The following BACH1 variants were observed in gnomAD, a reference collection of about 807,000 sequenced individuals.
BACH1 encodes the protein BTB domain and CNC homolog 1, also known as transcription regulator protein BACH1.
A neutral mutation model predicts 52.9 loss-of-function variants in BACH1; 35 were observed. That is an observed-to-expected ratio of 0.66 (90% CI 0.51 to 0.88). The LOEUF is 0.88. BACH1 is among the 40% of genes least tolerant of loss of function. The probability of loss-of-function intolerance (pLI) is 0.00; values close to 1 mark genes in which losing one functional copy is unlikely to be tolerated. For synonymous variants in BACH1, 321 were observed against 319.6 expected (o/e 1.00, Z -0.05); for missense variants, 808 against 872.6 (o/e 0.93, Z 0.93).
intron 4 of BACH1, among the ~76,000 whole-genome samples, chr21:29,338,921 A>G (rs1348204448): frequency 6.6e-6 from 1 of 152,046 alleles, no homozygotes; most frequent in East Asian, 1.9e-4. Context: ...TATTTTATAT[A>G]CATTTTTCTG....
intron 4 of BACH1, among the ~76,000 whole-genome samples, chr21:29,339,993 C>A (rs372188926): frequency 1.3e-5 from 2 of 152,064 alleles, no homozygotes; most frequent in Non-Finnish European, 2.9e-5. Flanking sequence ...CAATTTTATT[C>A]CTTTTTAAGA....
chr21:29,335,274 C>T (rs772560675), intron 4 of BACH1, among the ~76,000 whole-genome samples: 2 of 152,094 alleles, frequency 1.3e-5, no homozygotes, highest in African/African-American at 4.8e-5. Context: ...ACAGCCACAG[C>T]GGGGTTGATG....
At position 29,327,142 on chromosome 21, in the gene BACH1, A is replaced by G. The variant is rs144158872; in HGVS notation, c.1318A>G (p.Ile440Val). ...ACGGTCTGAGTGTCCGTGGTTAGGT[A>G]TCAGGATTAGTGAGAGCCCAGAACC... ...QKRSECPWLG[I>V]RISESPEPGQ... The change falls in exon 3 of 5, where the codon ATC (isoleucine) becomes GTC (valine). Residue 440 changes from isoleucine to valine, a missense_variant. Physicochemically the swap from Ile to Val is conservative, Grantham distance 29. Transcript: ENST00000286800. 74 of 1,614,132 alleles carry G rather than the reference A, an allele frequency of 4.6e-5. No homozygotes were observed. Among genetic ancestry groups the G allele is most frequent in the Non-Finnish European group, 5.9e-5 (70 of 1,180,048 alleles).
intron 2 of BACH1, among the ~76,000 whole-genome samples, chr21:29,360,725 A>T (rs1272462714): frequency 1.3e-5 from 2 of 151,924 alleles, no homozygotes; most frequent in Non-Finnish European, 2.9e-5. Context: ...CACACCTGTA[A>T]TCCCAGCTAC....
At chr21:29,329,860 C>A (rs1180812283) in intron 4 of BACH1, among the ~76,000 whole-genome samples, 167 bp downstream of exon 4, 2 of 152,108 alleles carry the variant, frequency 1.3e-5, no homozygotes. Context: ...TATGTAAGTG[C>A]TTTTTAAAAA....
Position 29,345,929 on chromosome 21 carries a change from A to T in BACH1, c.*3096A>T, listed in dbSNP as rs1352267883. 1 of 152,624 alleles carries T rather than the reference A, an allele frequency of 6.6e-6. No individual in the cohort carries two copies. Among genetic ancestry groups the T allele is most frequent in the Non-Finnish European group, 1.5e-5 (1 of 68,014 alleles). The allele number at this position is 152,624 out of a possible 1,614,324, so 9.5% of individuals were successfully genotyped here. On this transcript the variant is annotated 3_prime_UTR_variant, in exon 5 of 5. Coordinates refer to ENST00000286800, the MANE Select transcript of BACH1 (RefSeq NM_001186.4). ...GAAGCAGAAAAACATTGATTTTTTTATATCTTTCATAATATAATTTTCTAA... is the reference window on the plus strand; with the variant it reads ...GAAGCAGAAAAACATTGATTTTTTTTTATCTTTCATAATATAATTTTCTAA...
chr21:29,328,129 G>A (rs758297608), intron 3 of BACH1, among the ~76,000 whole-genome samples: 13 of 152,242 alleles, frequency 8.5e-5, no homozygotes, highest in Non-Finnish European at 1.6e-4. Context: ...GTGATTAGTT[G>A]TAGGAATGTG....
Position 29,326,963 on chromosome 21 carries a change from G to A in BACH1, c.1139G>A (p.Ser380Asn). The A allele has an allele frequency of 6.2e-7, 1 of 1,614,222 alleles. No homozygotes were observed. Among genetic ancestry groups the A allele is most frequent in the Non-Finnish European group, 8.5e-7 (1 of 1,180,036 alleles). Residue 380 changes from serine to asparagine, a missense_variant, in exon 3 of 5, where the codon AGT (serine) becomes AAT (asparagine). Ser to Asn is a conservative substitution (Grantham distance 46). Coordinates refer to ENST00000286800, the MANE Select transcript of BACH1 (RefSeq NM_001186.4). Reference sequence around the variant, plus strand: ...GACTTGGGCACCAGGGAAGATAGTAGTGTTGCATCTAGTGATAGGAGTAGT... The same window carrying A: ...GACTTGGGCACCAGGGAAGATAGTAATGTTGCATCTAGTGATAGGAGTAGT... ...KSDLGTREDS[S>N]VASSDRSSVE...
intron 2 of BACH1, among the ~76,000 whole-genome samples, chr21:29,357,882 G>T (rs115839044): frequency 5.3e-5 from 8 of 152,250 alleles, no homozygotes; most frequent in Non-Finnish European, 8.8e-5. Flanking sequence ...TGGGTAACTC[G>T]TTCCCCATAT....
Position 29,326,077 on chromosome 21 carries a change from G to T in BACH1, c.253G>T (p.Glu85Ter). The change falls in exon 3 of 5, where the codon GAA becomes TAA. Residue 85 changes from glutamate to a stop codon, truncating the protein, a stop_gained. Transcript: ENST00000286800. LOFTEE classifies it high-confidence loss of function. ...TCAACAGGTGACAGTTAAAGGATTT[G>T]AACCTTTAATTCAGTTTGCCTACAC... is the stretch of plus-strand genomic sequence containing the variant. Reference protein sequence around the residue: ...LPEEVTVKGFEPLIQFAYTAK... With the variant: ...LPEEVTVKGF 1 of 1,607,364 alleles carries T rather than the reference G, an allele frequency of 6.2e-7. No individual in the cohort carries two copies. The highest frequency in any genetic ancestry group is 1.1e-5 in the South Asian group (1 of 89,976).
chr21:29,302,333 G>C (rs981787916), intron 1 of BACH1, among the ~76,000 whole-genome samples: 2 of 152,220 alleles, frequency 1.3e-5, no homozygotes, highest in Admixed American at 6.5e-5. Flanking sequence ...TTTCAGGACT[G>C]CAGCTAAAAC....
intron 2 of BACH1, among the ~76,000 whole-genome samples, chr21:29,325,154 C>T (rs970466709): frequency 2.6e-5 from 4 of 151,916 alleles, no homozygotes; most frequent in African/African-American, 7.3e-5. Flanking sequence ...GGCGTGAACC[C>T]GAGAGGCGGA....
chr21:29,313,888 G>C (rs1268775309), intron 1 of BACH1, among the ~76,000 whole-genome samples: 1 of 152,184 alleles, frequency 6.6e-6, no homozygotes, highest in Non-Finnish European at 1.5e-5. Flanking sequence ...TCTTGGTTGG[G>C]GGGGGTGGTG....
intron 2 of BACH1, among the ~76,000 whole-genome samples, chr21:29,360,856 A>C (rs906783790): frequency 7.3e-5 from 11 of 151,380 alleles, no homozygotes; most frequent in Admixed American, 1.3e-4. Flanking sequence ...AAAAAAAAAA[A>C]AAAAACAAAA....
intron 2 of BACH1, among the ~76,000 whole-genome samples, chr21:29,360,204 G>C (rs2089262899): frequency 6.6e-6 from 1 of 152,098 alleles, no homozygotes; most frequent in Admixed American, 6.5e-5. Flanking sequence ...GCTGTGCCCT[G>C]ACCACTTGGG....
chr21:29,321,661 T>A (rs1370933398), intron 2 of BACH1, 147 bp downstream of exon 2: 2 of 640,678 alleles, frequency 3.1e-6, no homozygotes, highest in Non-Finnish European at 5.0e-6. Flanking sequence ...TTTTTTTTTT[T>A]AGTTTTTTTA....
At position 29,342,727 on chromosome 21, in the gene BACH1, C is replaced by T; in HGVS notation, c.2105C>T (p.Ser702Phe). Residue 702 changes from serine (S) to phenylalanine (F), a missense_variant, in exon 5 of 5, where the codon TCC becomes TTC. Physicochemically the swap from Ser to Phe is radical, Grantham distance 155. Transcript: ENST00000286800. ...YARGQESQQM[S>F]TATSEQAGPA... ...CGAGGGCAGGAGTCCCAGCAGATGT[C>T]CACAGCCACCTCTGAGCAAGCTGGG... The T allele has an allele frequency of 1.2e-6, 2 of 1,614,196 alleles. No homozygotes were observed. The highest frequency in any genetic ancestry group is 8.5e-7 in the Non-Finnish European group (1 of 1,180,040).
At chr21:29,320,606 A>G (rs917873578) in intron 1 of BACH1, among the ~76,000 whole-genome samples, 39 of 152,232 alleles carry the variant, frequency 2.6e-4, no homozygotes, top group African/African-American at 8.4e-4. Flanking sequence ...CTTACTGTAT[A>G]AAAAGACTTA....
chr21:29,326,850 C>G lies in BACH1; in HGVS notation c.1026C>G (p.Asn342Lys), dbSNP rs1021090453. Reference sequence around the variant, plus strand: ...ACTTGAATTTTGCTGGTATGCAAAACACAACAGTGTTAACAGAAAAGCCTT... The same window carrying G: ...ACTTGAATTTTGCTGGTATGCAAAAGACAACAGTGTTAACAGAAAAGCCTT... ...YGDLNFAGMQNTTVLTEKPLS... is the reference protein window; with the variant it reads ...YGDLNFAGMQKTTVLTEKPLS... Residue 342 changes from asparagine (N) to lysine (K), a missense_variant, in exon 3 of 5, where the codon AAC becomes AAG. By Grantham distance (94) the Asn-to-Lys change is moderately conservative. Coordinates refer to ENST00000286800, the MANE Select transcript of BACH1 (RefSeq NM_001186.4). 1 of 1,614,176 alleles carries G rather than the reference C, an allele frequency of 6.2e-7. No homozygotes were observed. The highest frequency in any genetic ancestry group is 8.5e-7 in the Non-Finnish European group (1 of 1,180,030).
Sources: gnomAD v4.1 joint callset for allele counts (sites outside exome capture counted in the v4.1 genomes callset) on GRCh38, gnomAD v4.1.1 for gene constraint, MANE v1.5 for transcripts, NCBI Gene and HGNC (gene_info 2026-07-23, HGNC 2026-07-21) for gene names.